GPHN: variants seen among roughly 807,000 people sequenced by gnomAD.
GPHN encodes the protein gephyrin.
GPHN carries 17 observed loss-of-function variants against 95.5 expected under a neutral mutation model. The observed-to-expected ratio is 0.18, with a 90% confidence interval of 0.12 to 0.27. GPHN has a LOEUF of 0.27. GPHN is among the 10% of genes least tolerant of loss of function. The pLI is 1.00. For missense variants in GPHN, 660 were observed against 978.1 expected, an observed-to-expected ratio of 0.67 and a Z score of 4.34; for synonymous variants, 320 against 322.5, an observed-to-expected ratio of 0.99 and a Z score of 0.08.
intron 12 of GPHN, among the ~76,000 whole-genome samples, chr14:67,089,897 A>G (rs1289043549): frequency 6.6e-6 from 1 of 152,190 alleles, no homozygotes; most frequent in Non-Finnish European, 1.5e-5. Flanking sequence ...TGAATTGCTT[A>G]GAAACTGTTG....
At chr14:66,932,444 G>GGT (rs2066855094) in intron 8 of GPHN, among the ~76,000 whole-genome samples, 1 of 24,380 alleles carries the variant, frequency 4.1e-5, no homozygotes, top group African/African-American at 1.6e-4. Context: ...CCAAGACCAG[G>GGT]TTTTTTTTTT....
intron 21 of GPHN, among the ~76,000 whole-genome samples, chr14:67,179,300 C>T (rs1249298677): frequency 2.6e-5 from 4 of 152,152 alleles, no homozygotes; most frequent in African/African-American, 9.7e-5. Context: ...GCAGGAGGAT[C>T]ACTGGAGCCC....
At chr14:67,368,559 A>C in the GPHN span, among the ~76,000 whole-genome samples, 2 of 152,236 alleles carry the variant, frequency 1.3e-5, no homozygotes, top group Non-Finnish European at 2.9e-5. Context: ...TAAATATAGA[A>C]GCTAAGAAAA....
chr14:67,117,147 T>C (rs1185191273), intron 16 of GPHN, among the ~76,000 whole-genome samples: 1 of 152,214 alleles, frequency 6.6e-6, no homozygotes, highest in Non-Finnish European at 1.5e-5. Flanking sequence ...CACCTTCTCT[T>C]TGCAAAGAGT....
At chr14:67,581,070 C>T in the GPHN span, 75 of 1,392,168 alleles carry the variant, frequency 5.4e-5, 2 homozygotes, top group Admixed American at 9.1e-4. Flanking sequence ...TGGGGCCAAA[C>T]ACAAGGGCTG....
At chr14:67,387,392 G>A in the GPHN span, 1 of 1,611,082 alleles carries the variant, frequency 6.2e-7, no homozygotes, top group Admixed American at 1.7e-5. Flanking sequence ...TGGCCTGAAT[G>A]TAATAGTGTG....
chr14:66,918,226 G>A (rs534743203), intron 6 of GPHN, among the ~76,000 whole-genome samples: 1 of 151,584 alleles, frequency 6.6e-6, no homozygotes, highest in South Asian at 2.2e-4. Context: ...TCTCTCTTTG[G>A]AGACATGGAC....
At chr14:67,583,249 C>G in the GPHN span, among the ~76,000 whole-genome samples, 2 of 152,138 alleles carry the variant, frequency 1.3e-5, no homozygotes, top group African/African-American at 4.8e-5. Flanking sequence ...TATGCATCCT[C>G]CATTGTAGTT....
intron 2 of GPHN, among the ~76,000 whole-genome samples, chr14:66,719,836 A>G (rs994704634): frequency 3.3e-5 from 5 of 152,230 alleles, no homozygotes; most frequent in Admixed American, 2.6e-4. Flanking sequence ...ATGGGTTTCA[A>G]AAAGTGTAAT....
At chr14:67,389,252 A>AT in the GPHN span, among the ~76,000 whole-genome samples, 2 of 152,072 alleles carry the variant, frequency 1.3e-5, no homozygotes, top group African/African-American at 4.8e-5. Flanking sequence ...TGTACTACTA[A>AT]ATGCCAACGG....
chr14:67,080,683 T>C (rs764002234), intron 11 of GPHN, among the ~76,000 whole-genome samples: 3 of 152,104 alleles, frequency 2.0e-5, no homozygotes, highest in Non-Finnish European at 4.4e-5. Context: ...TAGTGGTGAT[T>C]TGTGAGATTC....
intron 1 of GPHN, among the ~76,000 whole-genome samples, chr14:66,583,412 G>T (rs2061282726): frequency 6.6e-6 from 1 of 151,990 alleles, no homozygotes; most frequent in Non-Finnish European, 1.5e-5. Flanking sequence ...TGTCAATTTT[G>T]GCTTTTGTTG....
the GPHN span, among the ~76,000 whole-genome samples, chr14:67,530,600 T>G: frequency 9.8e-5 from 15 of 152,304 alleles, no homozygotes; most frequent in Middle Eastern, 3.4e-3. Flanking sequence ...CAGAAAATGG[T>G]TACATAAGCA....
At chr14:67,647,736 C>G in the GPHN span, 6 of 232,918 alleles carry the variant, frequency 2.6e-5, no homozygotes, top group Non-Finnish European at 5.0e-5. Flanking sequence ...GTGAAGAAAT[C>G]TCTCTATTGA....
At chr14:66,850,789 A>T (rs763286) in intron 4 of GPHN, among the ~76,000 whole-genome samples, 6,052 of 152,258 alleles carry the variant, frequency 0.04, 187 homozygotes, top group Non-Finnish European at 0.064. Context: ...GTTGTGCTGG[A>T]GGCTGCGGGT....
downstream of GPHN, among the ~76,000 whole-genome samples, chr14:67,184,354 G>A (rs1244751390): frequency 6.6e-6 from 1 of 152,124 alleles, no homozygotes; most frequent in Non-Finnish European, 1.5e-5. Flanking sequence ...TAGGGAAAAC[G>A]CTTTGGCAGC....
chr14:67,502,930 AG>A, the GPHN span, among the ~76,000 whole-genome samples: 1 of 152,180 alleles, frequency 6.6e-6, no homozygotes, highest in African/African-American at 2.4e-5. Context: ...CTTAAAAATT[AG>A]TGGAGACAAT....
chr14:67,526,522 T>C, the GPHN span, among the ~76,000 whole-genome samples: 1 of 152,258 alleles, frequency 6.6e-6, no homozygotes, highest in African/African-American at 2.4e-5. Flanking sequence ...CCTAGTCTTT[T>C]ATACATCTCA....
At chr14:67,372,106 A>C in the GPHN span, among the ~76,000 whole-genome samples, 1 of 152,136 alleles carries the variant, frequency 6.6e-6, no homozygotes. Flanking sequence ...CTCTTTTGTT[A>C]TCTCTCACTT....
Sources: gnomAD v4.1 joint callset for allele counts (sites outside exome capture counted in the v4.1 genomes callset) on GRCh38, gnomAD v4.1.1 for gene constraint, MANE v1.5 for transcripts, NCBI Gene and HGNC (gene_info 2026-07-23, HGNC 2026-07-21) for gene names.